The following SEMA5A variants were observed in gnomAD, a reference collection of about 807,000 sequenced individuals.
SEMA5A encodes the protein semaphorin 5A.
SEMA5A carries 55 observed loss-of-function variants against 135.5 expected under a neutral mutation model. That is an observed-to-expected ratio of 0.41 (90% CI 0.33 to 0.51). The LOEUF is 0.51. Among genes scored for constraint, SEMA5A ranks in the 20% least tolerant of loss-of-function variants. The pLI is 0.37. For synonymous variants in SEMA5A, 580 were observed against 546.5 expected, an observed-to-expected ratio of 1.06 and a Z score of -0.85; for missense variants, 1,290 against 1,419.9, an observed-to-expected ratio of 0.91 and a Z score of 1.47.
intron 3 of SEMA5A, among the ~76,000 whole-genome samples, chr5:9,346,892 ATGTGTGTGTG>A (rs3086551): frequency 6.7e-6 from 1 of 149,362 alleles, no homozygotes; most frequent in African/African-American, 2.5e-5. Context: ...GTATATATAT[ATGTGTGTGTG>A]TGTGTGTGTG....
chr5:9,118,539 C>T (rs186988215), intron 15 of SEMA5A, among the ~76,000 whole-genome samples: 1 of 152,272 alleles, frequency 6.6e-6, no homozygotes, highest in East Asian at 1.9e-4. Flanking sequence ...TGAATATGCC[C>T]TCCCATGCCT....
intron 8 of SEMA5A, among the ~76,000 whole-genome samples, chr5:9,221,374 C>T (rs975075560): frequency 1.4e-5 from 2 of 142,642 alleles, no homozygotes; most frequent in African/African-American, 2.6e-5. Flanking sequence ...GCGATCTCGG[C>T]TTACTGCAAG....
intron 13 of SEMA5A, among the ~76,000 whole-genome samples, chr5:9,129,330 A>G (rs1741280444): frequency 6.6e-6 from 1 of 152,270 alleles, no homozygotes; most frequent in Non-Finnish European, 1.5e-5. Flanking sequence ...GTTTCTGGCC[A>G]TGGCCGGAGT....
chr5:9,436,947 T>C (rs998584332), intron 2 of SEMA5A, among the ~76,000 whole-genome samples: 4 of 106,222 alleles, frequency 3.8e-5, no homozygotes, highest in African/African-American at 1.1e-4. Context: ...GAACAGATCA[T>C]TGTGAAGTGG....
At chr5:9,112,351 T>C (rs1740287538) in intron 15 of SEMA5A, among the ~76,000 whole-genome samples, 1 of 152,238 alleles carries the variant, frequency 6.6e-6, no homozygotes, top group South Asian at 2.1e-4. Flanking sequence ...AATTATAAAA[T>C]GCATAAATTA....
chr5:9,060,971 A>G (rs377758489), intron 18 of SEMA5A, among the ~76,000 whole-genome samples: 3 of 151,594 alleles, frequency 2.0e-5, no homozygotes, highest in East Asian at 4.0e-4. Context: ...CTTCCTCCCA[A>G]TTTCCCATCT....
chr5:9,268,961 G>A (rs1749827033), intron 5 of SEMA5A, among the ~76,000 whole-genome samples: 1 of 152,058 alleles, frequency 6.6e-6, no homozygotes, highest in African/African-American at 2.4e-5. Flanking sequence ...GAGCTAGGAA[G>A]GCATACAACA....
chr5:9,265,532 C>T (rs1579745887), intron 5 of SEMA5A: 1 of 456,426 alleles, frequency 2.2e-6, no homozygotes. Flanking sequence ...TGCGGTCCTC[C>T]TGCTCCAGGC....
At chr5:9,297,680 G>A (rs1027075272) in intron 5 of SEMA5A, among the ~76,000 whole-genome samples, 4 of 151,504 alleles carry the variant, frequency 2.6e-5, no homozygotes, top group African/African-American at 9.7e-5. Context: ...TCAGTCTCCC[G>A]AGTAGCTGGG....
chr5:9,309,963 G>A (rs1307095520), intron 5 of SEMA5A, among the ~76,000 whole-genome samples: 2 of 27,916 alleles, frequency 7.2e-5, no homozygotes, highest in East Asian at 9.9e-4. Flanking sequence ...CAACTTCTGG[G>A]TCAAGATCAA....
intron 11 of SEMA5A, among the ~76,000 whole-genome samples, chr5:9,156,202 A>C (rs968837088): frequency 6.6e-6 from 1 of 152,236 alleles, no homozygotes; most frequent in African/African-American, 2.4e-5. Context: ...GTAAGAAAAA[A>C]TTTATGTCTT....
At chr5:9,341,162 T>C (rs805140) in intron 3 of SEMA5A, among the ~76,000 whole-genome samples, 100,350 of 151,130 alleles carry the variant, frequency 0.66, 34,154 homozygotes, top group South Asian at 0.76. Context: ...TATAGCAATA[T>C]ATCAAAAAAA....
chr5:9,513,879 C>T (rs1736359275), intron 1 of SEMA5A, among the ~76,000 whole-genome samples: 1 of 152,112 alleles, frequency 6.6e-6, no homozygotes, highest in East Asian at 1.9e-4. Context: ...TGGAGTGGAA[C>T]GTTAGTTTCC....
At chr5:9,136,964 G>A (rs1034488203) in intron 12 of SEMA5A, among the ~76,000 whole-genome samples, 2 of 152,076 alleles carry the variant, frequency 1.3e-5, no homozygotes, top group East Asian at 1.9e-4. Context: ...CACCACTACC[G>A]TCACCATGAT....
At chr5:9,350,031 G>C (rs13165658) in intron 3 of SEMA5A, among the ~76,000 whole-genome samples, 25,149 of 152,190 alleles carry the variant, frequency 0.17, 2,234 homozygotes, top group Middle Eastern at 0.26. Flanking sequence ...CACCTTTCAA[G>C]TACTTTGAAG....
intron 12 of SEMA5A, among the ~76,000 whole-genome samples, chr5:9,152,499 T>C (rs1233250133): frequency 6.6e-6 from 1 of 152,184 alleles, no homozygotes; most frequent in Non-Finnish European, 1.5e-5. Flanking sequence ...TTATTAATGT[T>C]CACAATATCA....
In SEMA5A at chr5:9,486,794, A is replaced by T. The variant is rs149554171; in HGVS notation, c.-174-48942T>A. On this transcript the variant is annotated intron_variant, in intron 1 of 22. Transcript: ENST00000382496. ...AGAAAATCTGAAAAGCTGTCTAAAA[A>T]GGGGGCCAGAGGTAGAAAACTTTAC... Among the ~76,000 whole-genome samples the T allele has an allele frequency of 5.1e-3, 781 of 152,332 alleles. 1 individual carries two copies. Among genetic ancestry groups the T allele is most frequent in the Admixed American group, 0.014 (218 of 15,292 alleles).
intron 2 of SEMA5A, among the ~76,000 whole-genome samples, chr5:9,398,370 TGA>T (rs1327517270): frequency 3.3e-5 from 5 of 152,228 alleles, no homozygotes; most frequent in East Asian, 1.9e-4. Flanking sequence ...TCATTTATCT[TGA>T]GAGTTTCCCC....
intron 1 of SEMA5A, among the ~76,000 whole-genome samples, chr5:9,524,782 A>C (rs1306925976): frequency 6.6e-6 from 1 of 152,024 alleles, no homozygotes; most frequent in Non-Finnish European, 1.5e-5. Context: ...ATACATAAAC[A>C]CTTTTTTTGG....
Sources: gnomAD v4.1 joint callset for allele counts (sites outside exome capture counted in the v4.1 genomes callset) on GRCh38, gnomAD v4.1.1 for gene constraint, MANE v1.5 for transcripts, NCBI Gene and HGNC (gene_info 2026-07-23, HGNC 2026-07-21) for gene names.